The following SMOC2 variants were observed in gnomAD, a reference collection of about 807,000 sequenced individuals.
SMOC2 encodes SPARC related modular calcium binding 2.
Under a neutral mutation model 61.4 loss-of-function variants are expected in SMOC2, and 39 were observed. The observed-to-expected ratio is 0.64, with a 90% CI of 0.49 to 0.83. SMOC2 has a LOEUF of 0.83. Among genes scored for constraint, SMOC2 ranks in the 40% least tolerant of loss-of-function variants. The probability of loss-of-function intolerance (pLI) is 0.00; values close to 1 mark genes in which losing one functional copy is unlikely to be tolerated. For missense variants in SMOC2, 556 were observed against 592.9 expected, an observed-to-expected ratio of 0.94 and a Z score of 0.65; for synonymous variants, 247 against 239.9, an observed-to-expected ratio of 1.03 and a Z score of -0.27.
At chr6:168,450,916 A>G (rs1452486083) in intron 1 of SMOC2, among the ~76,000 whole-genome samples, 1 of 152,212 alleles carries the variant, frequency 6.6e-6, no homozygotes, top group African/African-American at 2.4e-5. Context: ...GCACCCCCAC[A>G]TGATACTTTA....
intron 9 of SMOC2, among the ~76,000 whole-genome samples, chr6:168,627,993 T>G (rs899656918): frequency 6.6e-6 from 1 of 152,032 alleles, no homozygotes; most frequent in African/African-American, 2.4e-5. Flanking sequence ...AGCCAGTGAC[T>G]GCCCGTTGAA....
At chr6:168,517,042 C>T (rs1376173913) in intron 2 of SMOC2, among the ~76,000 whole-genome samples, 76 of 152,226 alleles carry the variant, frequency 5.0e-4, no homozygotes, top group Non-Finnish European at 5.9e-5. Flanking sequence ...AGTTTACTCC[C>T]ATGGCCAAGT....
At chr6:168,490,406 A>G (rs1782447273) in intron 1 of SMOC2, among the ~76,000 whole-genome samples, 1 of 152,182 alleles carries the variant, frequency 6.6e-6, no homozygotes. Context: ...CAAGGCGCGC[A>G]GCATACAAGG....
In SMOC2 at chr6:168,608,173, T is replaced by A; in HGVS notation, c.841T>A (p.Cys281Ser). 6.2e-7 allele frequency: 1 copy of A among 1,613,680 alleles called. No individual in the cohort carries two copies. The highest frequency in any genetic ancestry group is 8.5e-7 in the Non-Finnish European group (1 of 1,179,900). The change falls in exon 9 of 13, where the codon TGT (cysteine) becomes AGT (serine). Residue 281 changes from cysteine to serine, a missense_variant. Transcript: ENST00000356284. The part of the protein sequence containing the change: ...GTSTRYEQPK[C>S]DNTARAHPAK... ...CGCCCATAGGTACGAGCAGCCGAAATGTGACAACACGGCCAGGGCCCACCC... is the reference window on the plus strand; with the variant it reads ...CGCCCATAGGTACGAGCAGCCGAAAAGTGACAACACGGCCAGGGCCCACCC...
intron 7 of SMOC2, among the ~76,000 whole-genome samples, chr6:168,557,676 G>A (rs545067367): frequency 2.6e-5 from 4 of 151,986 alleles, no homozygotes; most frequent in East Asian, 3.9e-4. Context: ...TGCTGTTGGC[G>A]TCACTAGTTG....
intron 7 of SMOC2, among the ~76,000 whole-genome samples, chr6:168,562,288 A>G (rs76344260): frequency 0.035 from 1,408 of 39,848 alleles, 24 homozygotes; most frequent in East Asian, 0.24. Context: ...CTCTCACTGC[A>G]TTCTTGGAGG....
chr6:168,651,442 ACC>A (rs1562405270), intron 10 of SMOC2, among the ~76,000 whole-genome samples: 1 of 151,990 alleles, frequency 6.6e-6, no homozygotes, highest in South Asian at 2.1e-4. Flanking sequence ...GAGCAGAAGA[ACC>A]CCAGGGTTTT....
At chr6:168,563,263 GATGT>G (rs1173679930) in intron 7 of SMOC2, among the ~76,000 whole-genome samples, 3 of 151,624 alleles carry the variant, frequency 2.0e-5, no homozygotes, top group Non-Finnish European at 4.4e-5. Flanking sequence ...ACACAATATC[GATGT>G]ATGTATGTAT....
intron 8 of SMOC2, among the ~76,000 whole-genome samples, chr6:168,601,651 T>G (rs899855653): frequency 6.6e-6 from 1 of 152,156 alleles, no homozygotes; most frequent in Non-Finnish European, 1.5e-5. Flanking sequence ...GAGGCCCCTG[T>G]AGCAGAGGTA....
intron 1 of SMOC2, among the ~76,000 whole-genome samples, chr6:168,474,175 G>T (rs1241052071): frequency 2.0e-5 from 3 of 152,064 alleles, no homozygotes; most frequent in African/African-American, 7.2e-5. Context: ...CCTGGGGAAG[G>T]AGCACAGACC....
At chr6:168,490,235 G>T (rs1173865439) in intron 1 of SMOC2, among the ~76,000 whole-genome samples, 1 of 142,606 alleles carries the variant, frequency 7.0e-6, no homozygotes, top group Non-Finnish European at 1.5e-5. Flanking sequence ...ATATCGAATT[G>T]TCTGGGTCCC....
At chr6:168,664,202 A>G in intron 12 of SMOC2, 91 bp downstream of exon 12, 1 of 995,424 alleles carries the variant, frequency 1.0e-6, no homozygotes, top group Non-Finnish European at 1.5e-6. Flanking sequence ...AATGGCCAGT[A>G]CCTTCCAAGA....
In SMOC2 at chr6:168,441,991, C is replaced by T. The variant is rs554756012; in HGVS notation, c.84+537C>T. Among the ~76,000 whole-genome samples, 20 of 152,342 alleles carry T rather than the reference C, an allele frequency of 1.3e-4. No homozygotes were observed. The South Asian group carries it at 4.1e-3, about 32-fold the overall frequency. On this transcript the variant is annotated intron_variant, in intron 1 of 12. Transcript: ENST00000356284. ...TCCCGACCGCTTTGGGCTCGTGCGC[C>T]GCGCGGATCCCGGGCCTCTCGCCGG...
intron 4 of SMOC2, among the ~76,000 whole-genome samples, chr6:168,529,326 A>C (rs1217167737): frequency 6.6e-6 from 1 of 152,126 alleles, no homozygotes; most frequent in Non-Finnish European, 1.5e-5. Flanking sequence ...GCTGGGTAGG[A>C]AGCCAGGCGT....
At chr6:168,507,369 G>T (rs928266439) in intron 1 of SMOC2, among the ~76,000 whole-genome samples, 2 of 152,210 alleles carry the variant, frequency 1.3e-5, no homozygotes, top group Non-Finnish European at 2.9e-5. Flanking sequence ...CACACTGCAG[G>T]TTCATGTTTT....
chr6:168,483,478 C>T (rs2115025568), intron 1 of SMOC2, among the ~76,000 whole-genome samples: 1 of 152,174 alleles, frequency 6.6e-6, no homozygotes, highest in African/African-American at 2.4e-5. Context: ...GTTCATGGAT[C>T]AGTATTAGTA....
chr6:168,526,757 A>G (rs961921818), intron 3 of SMOC2, among the ~76,000 whole-genome samples: 8 of 152,044 alleles, frequency 5.3e-5, no homozygotes, highest in Admixed American at 2.0e-4. Context: ...GGCCAATTAG[A>G]CCGTGCTAAC....
chr6:168,612,328 T>G lies in SMOC2; in HGVS notation c.907+4089T>G, dbSNP rs549977507. ...TCAAACAGCAGCGCTGGGTTCGTGATCTCCATCAGGGGAGAGGGTGACCCC... is the reference window on the plus strand; with the variant it reads ...TCAAACAGCAGCGCTGGGTTCGTGAGCTCCATCAGGGGAGAGGGTGACCCC... On this transcript the variant is annotated intron_variant, in intron 9 of 12. Transcript: ENST00000356284. Among the ~76,000 whole-genome samples the G allele has an allele frequency of 5.7e-4, 71 of 124,376 alleles. 10 individuals are homozygous for G. The highest frequency in any genetic ancestry group is 1.9e-3 in the African/African-American group (62 of 32,162). 81.6% of individuals were successfully genotyped at this position (124,376 alleles called of 152,430 possible).
intron 7 of SMOC2, among the ~76,000 whole-genome samples, chr6:168,584,540 A>T (rs1785001429): frequency 2.1e-5 from 3 of 142,332 alleles, no homozygotes; most frequent in Admixed American, 1.4e-4. Context: ...AGGTCCTCTT[A>T]AAAAAAAAAA....
Sources: allele counts gnomAD v4.1 joint callset (sites outside exome capture counted in the v4.1 genomes callset), GRCh38; gene constraint gnomAD v4.1.1; transcripts MANE v1.5; gene names NCBI Gene and HGNC (gene_info 2026-07-23, HGNC 2026-07-21).